Variants in RFX4 observed in about 807,000 individuals in gnomAD.
RFX4 encodes transcription factor RFX4.
Under a neutral mutation model 95.0 loss-of-function variants are expected in RFX4, and 10 were observed. That is an observed-to-expected ratio of 0.11 (90% CI 0.06 to 0.18). RFX4 has a LOEUF of 0.18. Ranked by LOEUF, RFX4 falls within the 10% of genes least tolerant of loss-of-function variation. RFX4 has a pLI of 1.00. For synonymous variants in RFX4, 321 were observed against 340.7 expected (o/e 0.94, Z 0.64); for missense variants, 640 against 922.0 (o/e 0.69, Z 3.96).
intron 3 of RFX4, among the ~76,000 whole-genome samples, chr12:106,647,290 A>G (rs891920905): frequency 6.6e-6 from 1 of 152,028 alleles, no homozygotes; most frequent in Non-Finnish European, 1.5e-5. Context: ...CTGAGTTCAT[A>G]CTTTTTAAGC....
chr12:106,597,503 C>T (rs771701548), intron 1 of RFX4, among the ~76,000 whole-genome samples: 33 of 152,190 alleles, frequency 2.2e-4, no homozygotes, highest in Admixed American at 3.3e-4. Context: ...ATCATGTAGG[C>T]ACCTGATGTG....
At chr12:106,754,718 A>G (rs2043077948) in intron 17 of RFX4, among the ~76,000 whole-genome samples, 1 of 152,246 alleles carries the variant, frequency 6.6e-6, no homozygotes, top group African/African-American at 2.4e-5. Context: ...GAATGGCCCA[A>G]GGACAAGTGA....
At chr12:106,682,922 G>A (rs1455046507) in intron 5 of RFX4, 1 of 152,212 alleles carries the variant, frequency 6.6e-6, no homozygotes, top group East Asian at 1.9e-4. Context: ...CCATGAAGAA[G>A]AGCAGCAGGC....
At chr12:106,696,560 A>G (rs975697504) in intron 8 of RFX4, 114 bp downstream of exon 8, 2 of 1,027,504 alleles carry the variant, frequency 1.9e-6, no homozygotes, top group Admixed American at 2.6e-5. Flanking sequence ...TGTAAAGACC[A>G]TTAATATTGA....
At chr12:106,653,249 C>T (rs2040889522) in intron 3 of RFX4, among the ~76,000 whole-genome samples, 1 of 151,962 alleles carries the variant, frequency 6.6e-6, no homozygotes, top group Admixed American at 6.6e-5. Flanking sequence ...TTTTTTAAAC[C>T]CTGTATCTAA....
At chr12:106,593,734 C>T (rs2039578480) in intron 1 of RFX4, among the ~76,000 whole-genome samples, 1 of 152,116 alleles carries the variant, frequency 6.6e-6, no homozygotes, top group African/African-American at 2.4e-5. Context: ...TTGAGTTCTA[C>T]GTTATCTTTT....
rs760903717 is a variant in RFX4, at chr12:106,761,300, C to T, written c.2039C>T (p.Ser680Leu). 3.2e-5 allele frequency: 52 copies of T among 1,614,042 alleles called. No individual in the cohort carries two copies. Among genetic ancestry groups the T allele is most frequent in the Non-Finnish European group, 4.2e-5 (50 of 1,180,036 alleles). The part of the protein sequence containing the change: ...PVTPRWPEVP[S>L]ANTCYTSPSV... ...ACTCCCCGCTGGCCAGAGGTGCCCT[C>T]AGCCAACACGTGCTACACAAGCCCG... Residue 680 changes from serine (S) to leucine (L), a missense_variant, in exon 18 of 18, where the codon TCA becomes TTA. Physicochemically the swap from Ser to Leu is moderately radical, Grantham distance 145. Transcript: ENST00000392842.
At position 106,709,414 on chromosome 12, in the gene RFX4, A is replaced by G; in HGVS notation, c.918A>G (p.Arg306=). Residue 306 remains arginine (R), a synonymous_variant, in exon 9 of 18, where the codon CGA becomes CGG. Transcript: ENST00000392842. The stretch of plus-strand genomic sequence containing the variant: ...TCCACGACCTCCCAGAAAACTTGCG[A>G]AACATCAAGTTCGAATGTAAGTACT... ...VALHDLPENL[R]NIKFELSRRF... is the part of the protein sequence containing the mutation. 21 of 1,612,582 alleles carry G rather than the reference A, an allele frequency of 1.3e-5. No individual in the cohort carries two copies. Among genetic ancestry groups the G allele is most frequent in the Non-Finnish European group, 1.8e-5 (21 of 1,179,600 alleles).
At chr12:106,702,184 T>C (rs1446061248) in intron 8 of RFX4, among the ~76,000 whole-genome samples, 1 of 152,186 alleles carries the variant, frequency 6.6e-6, no homozygotes, top group Non-Finnish European at 1.5e-5. Context: ...GTTATGTTGA[T>C]TGTTTTGTTT....
intron 15 of RFX4, among the ~76,000 whole-genome samples, chr12:106,735,101 C>T (rs1203688440): frequency 6.7e-6 from 1 of 148,794 alleles, no homozygotes; most frequent in Non-Finnish European, 1.5e-5. Context: ...AAAAAGAAAT[C>T]ATACCCATGA....
chr12:106,675,290 G>C (rs1032319892), intron 4 of RFX4, among the ~76,000 whole-genome samples: 1 of 152,128 alleles, frequency 6.6e-6, no homozygotes, highest in Non-Finnish European at 1.5e-5. Flanking sequence ...AATTAGCTGG[G>C]CATGGTGGTG....
intron 4 of RFX4, among the ~76,000 whole-genome samples, chr12:106,673,981 C>T (rs1337961212): frequency 6.6e-6 from 1 of 152,186 alleles, no homozygotes; most frequent in Non-Finnish European, 1.5e-5. Flanking sequence ...TTGTTCCCCA[C>T]TCCCCTCCTT....
intron 2 of RFX4, among the ~76,000 whole-genome samples, chr12:106,621,956 G>T (rs1393373058): frequency 2.0e-5 from 3 of 152,086 alleles, no homozygotes; most frequent in African/African-American, 7.2e-5. Flanking sequence ...ATAGCTATTT[G>T]TATATTTTAT....
chr12:106,583,256 C>G lies in RFX4; in HGVS notation c.-65C>G. On this transcript the variant is annotated 5_prime_UTR_variant, in exon 1 of 18. Coordinates refer to ENST00000392842, the MANE Select transcript of RFX4 (RefSeq NM_213594.3). ...TCCCTCCCTTCCTCCCTGGGCATCT[C>G]TAGCACAGGGGATCCCCAAACATCA... The G allele has an allele frequency of 1.6e-6, 2 of 1,226,474 alleles. No homozygotes were observed. The highest frequency in any genetic ancestry group is 2.3e-6 in the Non-Finnish European group (2 of 886,934). The allele number at this position is 1,226,474 out of a possible 1,614,324, so 76.0% of individuals were successfully genotyped here.
At chr12:106,738,962 T>G (rs1385574049) in intron 15 of RFX4, among the ~76,000 whole-genome samples, 1 of 152,182 alleles carries the variant, frequency 6.6e-6, no homozygotes, top group Non-Finnish European at 1.5e-5. Context: ...CCATGTTTCT[T>G]TTTTTAAAAA....
chr12:106,676,461 G>GGCCT (rs1488788135), intron 4 of RFX4, among the ~76,000 whole-genome samples: 1 of 152,204 alleles, frequency 6.6e-6, no homozygotes, highest in Non-Finnish European at 1.5e-5. Context: ...AATTGCCAGA[G>GGCCT]GCCTCTAGGT....
chr12:106,758,237 T>C (rs1273484624), intron 17 of RFX4, among the ~76,000 whole-genome samples: 1 of 152,270 alleles, frequency 6.6e-6, no homozygotes, highest in Admixed American at 6.5e-5. Flanking sequence ...AGAAGCTTCA[T>C]TGGTCATGTT....
intron 2 of RFX4, among the ~76,000 whole-genome samples, chr12:106,630,060 T>C (rs1468765212): frequency 1.3e-5 from 2 of 152,196 alleles, no homozygotes; most frequent in East Asian, 1.9e-4. Flanking sequence ...TTTAAGAGCA[T>C]TTGTGTTTTT....
intron 2 of RFX4, among the ~76,000 whole-genome samples, chr12:106,614,053 A>T (rs2137218093): frequency 6.6e-6 from 1 of 152,254 alleles, no homozygotes; most frequent in East Asian, 1.9e-4. Flanking sequence ...AGCTATTTTC[A>T]TGGGTGAATA....
Sources: gnomAD v4.1 joint callset for allele counts (sites outside exome capture counted in the v4.1 genomes callset) on GRCh38, gnomAD v4.1.1 for gene constraint, MANE v1.5 for transcripts, NCBI Gene and HGNC (gene_info 2026-07-23, HGNC 2026-07-21) for gene names.